The following HERPUD2 variants were observed in gnomAD, a reference collection of about 807,000 sequenced individuals.
The protein encoded by HERPUD2 is HERPUD family member 2, also known as homocysteine-responsive endoplasmic reticulum-resident ubiquitin-like domain member 2 protein.
A neutral mutation model predicts 49.9 loss-of-function variants in HERPUD2; 13 were observed. The ratio of observed to expected loss-of-function variants is 0.26; its 90% confidence interval spans 0.17 to 0.41. The LOEUF (loss-of-function observed/expected upper bound fraction) is 0.41, where lower values mean the gene tolerates loss of function less well. Ranked by LOEUF, HERPUD2 falls within the 10% of genes least tolerant of loss-of-function variation. The pLI is 1.00. For synonymous variants in HERPUD2, 172 were observed against 171.4 expected (o/e 1.00, Z -0.03); for missense variants, 449 against 492.2 (o/e 0.91, Z 0.83).
chr7:35,680,326 T>C (rs1015003820), intron 2 of HERPUD2, among the ~76,000 whole-genome samples: 1 of 152,072 alleles, frequency 6.6e-6, no homozygotes, highest in Non-Finnish European at 1.5e-5. Context: ...AGAGGATCAC[T>C]TGAGCCCAGG....
intron 5 of HERPUD2, among the ~76,000 whole-genome samples, chr7:35,639,332 C>G (rs539745558): frequency 5.3e-5 from 8 of 152,092 alleles, no homozygotes; most frequent in Admixed American, 5.2e-4. Flanking sequence ...CTGCGCCTGG[C>G]CAAATTCTAT....
intron 5 of HERPUD2, among the ~76,000 whole-genome samples, chr7:35,641,637 G>A (rs1315671345): frequency 6.6e-6 from 1 of 152,076 alleles, no homozygotes; most frequent in Non-Finnish European, 1.5e-5. Context: ...CAGACCAATG[G>A]AACAAAATAG....
chr7:35,675,557 AT>A (rs1785743825), intron 2 of HERPUD2, among the ~76,000 whole-genome samples: 1 of 152,214 alleles, frequency 6.6e-6, no homozygotes, highest in African/African-American at 2.4e-5. Context: ...ATCACTCTGC[AT>A]AAAGGACATC....
In HERPUD2 at chr7:35,663,473, C is replaced by T. The variant is rs1461017808; in HGVS notation, c.494+3961G>A. Among the ~76,000 whole-genome samples, 11 of 152,170 alleles carry T rather than the reference C, an allele frequency of 7.2e-5. No homozygotes were observed. The East Asian group carries it at 1.5e-3, about 21-fold the overall frequency. On this transcript the variant is annotated intron_variant, in intron 5 of 8. Transcript: ENST00000311350. Reference sequence around the variant, plus strand: ...GGATATCCTTATTAACTTTCTGTCTCGTTGATCTGTCTAATGTTGACAGTG... The same window carrying T: ...GGATATCCTTATTAACTTTCTGTCTTGTTGATCTGTCTAATGTTGACAGTG...
intron 6 of HERPUD2, among the ~76,000 whole-genome samples, chr7:35,637,363 A>C (rs1171955913): frequency 1.3e-5 from 2 of 152,196 alleles, no homozygotes; most frequent in African/African-American, 4.8e-5. Flanking sequence ...AACTCTTCAT[A>C]AAATACTGCT....
chr7:35,694,369 GTTA>G lies in HERPUD2; in HGVS notation c.-42_-40del. The G allele has an allele frequency of 6.2e-7, 1 of 1,613,164 alleles. No individual in the cohort carries two copies. Among genetic ancestry groups the G allele is most frequent in the East Asian group, 2.2e-5 (1 of 44,872 alleles). On this transcript the variant is annotated 5_prime_UTR_variant, in exon 2 of 9. Coordinates refer to ENST00000311350, the MANE Select transcript of HERPUD2 (RefSeq NM_022373.5). ...TCAGACAGAGTCCAGAGGAGCGGCA[GTTA>G]AGCCCAAAAGAGCCGAGATGGTCAC...
intron 5 of HERPUD2, among the ~76,000 whole-genome samples, chr7:35,645,160 GT>G (rs1331042205): frequency 2.0e-4 from 30 of 152,246 alleles, no homozygotes; most frequent in Admixed American, 3.9e-4. Flanking sequence ...CTTTGTGAAT[GT>G]TTAAAAAGTA....
chr7:35,675,014 G>C (rs369829872), intron 2 of HERPUD2, among the ~76,000 whole-genome samples: 1 of 152,154 alleles, frequency 6.6e-6, no homozygotes, highest in South Asian at 2.1e-4. Flanking sequence ...AGGGGGTCAC[G>C]GGAACCCCAA....
At chr7:35,654,982 G>C (rs944331592) in intron 5 of HERPUD2, among the ~76,000 whole-genome samples, 1 of 152,152 alleles carries the variant, frequency 6.6e-6, no homozygotes, top group African/African-American at 2.4e-5. Context: ...AGCCTCCAGA[G>C]TAGCTGGGAT....
chr7:35,637,385 C>G (rs1784889240), intron 6 of HERPUD2, among the ~76,000 whole-genome samples: 1 of 152,080 alleles, frequency 6.6e-6, no homozygotes, highest in South Asian at 2.1e-4. Context: ...TCAGGAATAA[C>G]AGAAGCCAGA....
chr7:35,680,666 T>C (rs1174454277), intron 2 of HERPUD2, among the ~76,000 whole-genome samples: 2 of 152,216 alleles, frequency 1.3e-5, no homozygotes, highest in East Asian at 3.8e-4. Context: ...CTTGCATACC[T>C]GACTCTTAAT....
chr7:35,647,865 T>C (rs1380508029), intron 5 of HERPUD2, among the ~76,000 whole-genome samples: 2 of 152,230 alleles, frequency 1.3e-5, no homozygotes, highest in African/African-American at 2.4e-5. Flanking sequence ...GTAAGGCACA[T>C]ATAGGTGCTT....
intron 2 of HERPUD2, among the ~76,000 whole-genome samples, chr7:35,681,518 C>G (rs536151556): frequency 6.6e-6 from 1 of 151,968 alleles, no homozygotes; most frequent in Non-Finnish European, 1.5e-5. Context: ...AAAACTTGTA[C>G]AAGAATGTTC....
chr7:35,685,227 G>A (rs1786010707), intron 2 of HERPUD2, among the ~76,000 whole-genome samples: 1 of 149,448 alleles, frequency 6.7e-6, no homozygotes. Flanking sequence ...CAGAGGGAGA[G>A]ACTGTCTCAA....
intron 4 of HERPUD2, chr7:35,668,486 AG>A (rs1198679715): frequency 1.3e-5 from 2 of 153,672 alleles, no homozygotes; most frequent in East Asian, 3.8e-4. Context: ...TTAAAAAGCT[AG>A]GTACAGTATT....
intron 2 of HERPUD2, among the ~76,000 whole-genome samples, chr7:35,678,596 C>T (rs563416735): frequency 1.3e-5 from 2 of 152,168 alleles, no homozygotes; most frequent in Admixed American, 6.5e-5. Flanking sequence ...CCACCACGCC[C>T]AGCCTAAAGT....
At chr7:35,643,019 G>T (rs916324038) in intron 5 of HERPUD2, among the ~76,000 whole-genome samples, 20 of 152,178 alleles carry the variant, frequency 1.3e-4, no homozygotes, top group African/African-American at 4.6e-4. Context: ...TTGAAAATTA[G>T]CTTATAGAAA....
chr7:35,653,666 A>C (rs987658197), intron 5 of HERPUD2, among the ~76,000 whole-genome samples: 1 of 152,232 alleles, frequency 6.6e-6, no homozygotes, highest in Admixed American at 6.5e-5. Flanking sequence ...AGGCCACAAA[A>C]CAAGTCTCAA....
intron 5 of HERPUD2, among the ~76,000 whole-genome samples, chr7:35,652,579 G>C (rs1199888585): frequency 2.1e-5 from 3 of 140,528 alleles, no homozygotes; most frequent in Admixed American, 7.5e-5. Flanking sequence ...AGTGAAGAAA[G>C]AAAGAGAAAA....
Sources: gnomAD v4.1 joint callset for allele counts (sites outside exome capture counted in the v4.1 genomes callset) on GRCh38, gnomAD v4.1.1 for gene constraint, MANE v1.5 for transcripts, NCBI Gene and HGNC (gene_info 2026-07-23, HGNC 2026-07-21) for gene names.